MGAT4C: variants seen among roughly 807,000 people sequenced by gnomAD.
MGAT4C encodes the protein MGAT4 family member C, also known as alpha-1,3-mannosyl-glycoprotein 4-beta-N-acetylglucosaminyltransferase C.
MGAT4C carries 19 observed loss-of-function variants against 40.1 expected under a neutral mutation model. That is an observed-to-expected ratio of 0.47 (90% CI 0.33 to 0.70). The LOEUF is 0.70. Ranked by LOEUF, MGAT4C falls within the 30% of genes least tolerant of loss-of-function variation. MGAT4C has a pLI of 0.02. For synonymous variants in MGAT4C, 181 were observed against 187.1 expected (o/e 0.97, Z 0.27); for missense variants, 491 against 563.2 (o/e 0.87, Z 1.30).
chr12:86,711,291 T>C (rs1326656883), intron 2 of MGAT4C, among the ~76,000 whole-genome samples: 6 of 152,070 alleles, frequency 3.9e-5, no homozygotes, highest in Non-Finnish European at 5.9e-5. Flanking sequence ...TAAAGATTCA[T>C]CTAAGGTAAA....
intron 3 of MGAT4C, among the ~76,000 whole-genome samples, chr12:86,427,935 G>A (rs147502790): frequency 0.014 from 2,129 of 152,096 alleles, 26 homozygotes; most frequent in South Asian, 0.024. Context: ...CAGGAGAATC[G>A]CTTGAACCCG....
intron 3 of MGAT4C, among the ~76,000 whole-genome samples, chr12:86,353,787 C>A (rs1023849900): frequency 6.6e-6 from 1 of 152,148 alleles, no homozygotes; most frequent in African/African-American, 2.4e-5. Flanking sequence ...CAATCCCTTT[C>A]CCTCTCTCTG....
chr12:86,533,987 T>C (rs1959029184), intron 2 of MGAT4C, among the ~76,000 whole-genome samples: 2 of 152,130 alleles, frequency 1.3e-5, no homozygotes, highest in African/African-American at 4.8e-5. Flanking sequence ...TGACAGATAG[T>C]AGGCCCTGAA....
chr12:86,619,137 A>G (rs1167883329), intron 2 of MGAT4C, among the ~76,000 whole-genome samples: 1 of 152,126 alleles, frequency 6.6e-6, no homozygotes, highest in East Asian at 1.9e-4. Context: ...CATTTCATAT[A>G]AGGAACTTGA....
rs749402312 is a variant in MGAT4C at position 85,979,848 on chromosome 12, C to T, written c.878G>A (p.Arg293His). ...CACATTTTTCTGAGCCAACAGACCACGGAAATGAGTCAATAGCCAATCACA... is the reference window on the plus strand; with the variant it reads ...CACATTTTTCTGAGCCAACAGACCATGGAAATGAGTCAATAGCCAATCACA... Reference protein sequence around the residue: ...MPCDWLLTHFRGLLAQKNVIR... With the variant: ...MPCDWLLTHFHGLLAQKNVIR... The change falls in exon 5 of 5, where the codon CGT becomes CAT. Residue 293 changes from arginine (R) to histidine (H), a missense_variant. Coordinates refer to ENST00000611864, the MANE Select transcript of MGAT4C (RefSeq NM_001351288.2). 15 of 1,613,484 alleles carry T rather than the reference C, an allele frequency of 9.3e-6. No homozygotes were observed. Among genetic ancestry groups the T allele is most frequent in the South Asian group, 4.4e-5 (4 of 91,076 alleles).
chr12:86,800,628 G>A (rs902462457), intron 1 of MGAT4C, among the ~76,000 whole-genome samples: 2 of 151,824 alleles, frequency 1.3e-5, no homozygotes, highest in East Asian at 1.9e-4. Context: ...TAGGATATTT[G>A]AAATGGATAT....
chr12:86,490,996 C>G (rs1958121251), intron 2 of MGAT4C, among the ~76,000 whole-genome samples: 1 of 152,092 alleles, frequency 6.6e-6, no homozygotes, highest in Non-Finnish European at 1.5e-5. Context: ...CAACATTAGA[C>G]AGATCAACGA....
At chr12:86,176,324 G>A (rs1195586006) in intron 1 of MGAT4C, among the ~76,000 whole-genome samples, 2 of 152,050 alleles carry the variant, frequency 1.3e-5, no homozygotes, top group African/African-American at 4.8e-5. Context: ...TTGTTTACCT[G>A]GGTTACTGAT....
At chr12:86,303,874 C>A (rs1953872760) in intron 4 of MGAT4C, among the ~76,000 whole-genome samples, 1 of 150,284 alleles carries the variant, frequency 6.7e-6, no homozygotes, top group South Asian at 2.1e-4. Context: ...TTTCTCTCTC[C>A]ATCCCTCTCT....
At chr12:86,456,333 T>C (rs1276569220) in intron 2 of MGAT4C, among the ~76,000 whole-genome samples, 4 of 152,144 alleles carry the variant, frequency 2.6e-5, no homozygotes, top group African/African-American at 9.6e-5. Flanking sequence ...ACGTTAGTTA[T>C]CGCATAATCT....
intron 2 of MGAT4C, among the ~76,000 whole-genome samples, chr12:86,497,927 CAT>C (rs1565804916): frequency 1.4e-5 from 2 of 142,776 alleles, no homozygotes; most frequent in African/African-American, 5.1e-5. Context: ...CGCACACACA[CAT>C]ATAATATTAT....
In MGAT4C at chr12:86,045,543, C is replaced by T. The variant is rs965803541; in HGVS notation, c.-7+4131G>A. ...GGAGAGAAATACTTTAAGCATTTTC[C>T]ATTCTGTTAGAAAAAGAAAACACAA... On this transcript the variant is annotated intron_variant, in intron 2 of 4. Transcript: ENST00000611864. 3.9e-5 allele frequency among the ~76,000 whole-genome samples: 6 copies of T among 152,288 alleles called. No homozygotes were observed. In the East Asian group the frequency reaches 1.2e-3, roughly 29 times the overall value.
intron 2 of MGAT4C, among the ~76,000 whole-genome samples, chr12:86,019,028 AT>A (rs956166403): frequency 3.3e-5 from 5 of 152,100 alleles, no homozygotes; most frequent in African/African-American, 1.2e-4. Flanking sequence ...ATATATATAA[AT>A]TTTTTTCTGT....
chr12:86,764,252 C>T lies in MGAT4C; in HGVS notation c.-261-37011G>A, dbSNP rs545232384. Reference sequence around the variant, plus strand: ...GGAGGGTCCTATGCCCACGGAGTCTCGCTGATTGCTAGCACAGCAGTCTGA... The same window carrying T: ...GGAGGGTCCTATGCCCACGGAGTCTTGCTGATTGCTAGCACAGCAGTCTGA... On this transcript the variant is annotated intron_variant, in intron 1 of 7. Transcript: ENST00000548651. Among the ~76,000 whole-genome samples, 13 of 152,202 alleles carry T rather than the reference C, an allele frequency of 8.5e-5. No individual in the cohort carries two copies. In the East Asian group the frequency reaches 2.0e-3, roughly 23 times the overall value.
chr12:86,133,126 G>A (rs1016645746), intron 1 of MGAT4C, among the ~76,000 whole-genome samples: 2 of 152,164 alleles, frequency 1.3e-5, no homozygotes, highest in African/African-American at 4.8e-5. Context: ...GCATAATTTT[G>A]TTCAAGAGAA....
intron 2 of MGAT4C, among the ~76,000 whole-genome samples, chr12:86,583,944 TAATAA>T (rs1960897308): frequency 1.3e-5 from 2 of 151,070 alleles, no homozygotes; most frequent in South Asian, 4.1e-4. Context: ...CTTATACTAC[TAATAA>T]AATAAGTTAC....
At chr12:86,536,266 A>C (rs1481703578) in intron 2 of MGAT4C, among the ~76,000 whole-genome samples, 1 of 152,122 alleles carries the variant, frequency 6.6e-6, no homozygotes, top group South Asian at 2.1e-4. Flanking sequence ...TATAATCATT[A>C]TTTACATAAT....
At chr12:86,661,905 C>CCAGGGCA (rs1293156062) in intron 2 of MGAT4C, among the ~76,000 whole-genome samples, 2 of 151,982 alleles carry the variant, frequency 1.3e-5, no homozygotes, top group East Asian at 3.9e-4. Flanking sequence ...TCACTGTGCT[C>CCAGGGCA]CAGCCAGGGC....
intron 1 of MGAT4C, among the ~76,000 whole-genome samples, chr12:86,214,058 C>T (rs1950580509): frequency 6.6e-6 from 1 of 152,174 alleles, no homozygotes; most frequent in Admixed American, 6.5e-5. Flanking sequence ...TCTATGGACT[C>T]CCAGGCTCTA....
Sources: gnomAD v4.1 joint callset for allele counts (sites outside exome capture counted in the v4.1 genomes callset) on GRCh38, gnomAD v4.1.1 for gene constraint, MANE v1.5 for transcripts, NCBI Gene and HGNC (gene_info 2026-07-23, HGNC 2026-07-21) for gene names.